Variants in SLC24A2 observed in about 807,000 individuals in gnomAD.
SLC24A2 encodes solute carrier family 24 member 2.
SLC24A2 carries 36 observed loss-of-function variants against 62.0 expected under a neutral mutation model. The observed-to-expected ratio is 0.58, with a 90% CI of 0.44 to 0.77. The LOEUF is 0.77. Ranked by LOEUF, SLC24A2 falls within the 30% of genes least tolerant of loss-of-function variation. The pLI is 0.00. For missense variants in SLC24A2, 846 were observed against 817.9 expected, an observed-to-expected ratio of 1.03 and a Z score of -0.42; for synonymous variants, 358 against 294.0, an observed-to-expected ratio of 1.22 and a Z score of -2.23.
the SLC24A2 span, among the ~76,000 whole-genome samples, chr9:20,045,630 A>G: frequency 6.6e-6 from 1 of 151,856 alleles, no homozygotes; most frequent in Non-Finnish European, 1.5e-5. Flanking sequence ...GCGGGGTTTC[A>G]CTATGTTGGC....
intron 7 of SLC24A2, among the ~76,000 whole-genome samples, chr9:19,550,821 G>A (rs1834808392): frequency 6.6e-6 from 1 of 151,634 alleles, no homozygotes; most frequent in African/African-American, 2.4e-5. Flanking sequence ...ATAGCTAAGT[G>A]CATTGATTTT....
chr9:19,562,062 G>A (rs1835430218), intron 7 of SLC24A2, among the ~76,000 whole-genome samples: 1 of 152,138 alleles, frequency 6.6e-6, no homozygotes, highest in Non-Finnish European at 1.5e-5. Flanking sequence ...AAATGCAACT[G>A]TTATCCCTCA....
chr9:19,883,270 A>T, the SLC24A2 span, among the ~76,000 whole-genome samples: 1 of 152,192 alleles, frequency 6.6e-6, no homozygotes, highest in Non-Finnish European at 1.5e-5. Context: ...TGACTCATTG[A>T]AAAGATGATA....
the SLC24A2 span, among the ~76,000 whole-genome samples, chr9:20,027,586 A>C: frequency 6.6e-6 from 1 of 152,214 alleles, no homozygotes; most frequent in Non-Finnish European, 1.5e-5. Context: ...CCTCATGTGA[A>C]ATCTAAAAAT....
chr9:20,301,347 A>G, the SLC24A2 span, among the ~76,000 whole-genome samples: 1 of 152,104 alleles, frequency 6.6e-6, no homozygotes, highest in Non-Finnish European at 1.5e-5. Flanking sequence ...AAAATGGTAT[A>G]GGTTCAATCT....
chr9:20,153,649 G>A, the SLC24A2 span, among the ~76,000 whole-genome samples: 2 of 151,634 alleles, frequency 1.3e-5, no homozygotes, highest in Admixed American at 1.3e-4. Flanking sequence ...GGAGTTTTAG[G>A]GAAGCTTTCC....
chr9:19,573,145 T>C (rs1478515062), intron 7 of SLC24A2, among the ~76,000 whole-genome samples: 1 of 152,020 alleles, frequency 6.6e-6, no homozygotes. Context: ...TTAGAGAATA[T>C]TCATATTCAT....
intron 4 of SLC24A2, among the ~76,000 whole-genome samples, chr9:19,615,542 A>G (rs574559919): frequency 6.6e-6 from 1 of 152,362 alleles, no homozygotes; most frequent in South Asian, 2.1e-4. Flanking sequence ...GAAAAATACC[A>G]GAGCAATCTG....
chr9:20,051,680 G>GGTGCT, the SLC24A2 span, among the ~76,000 whole-genome samples: 4 of 14,204 alleles, frequency 2.8e-4, no homozygotes, highest in Non-Finnish European at 5.3e-4. Flanking sequence ...TTTTTTTTTT[G>GGTGCT]GTGCTTGCTC....
the SLC24A2 span, among the ~76,000 whole-genome samples, chr9:20,039,677 T>A: frequency 6.6e-6 from 1 of 151,964 alleles, no homozygotes; most frequent in African/African-American, 2.4e-5. Flanking sequence ...TGCTGGAAAC[T>A]TGGAGGTACT....
At chr9:20,184,245 A>G in the SLC24A2 span, among the ~76,000 whole-genome samples, 21 of 152,198 alleles carry the variant, frequency 1.4e-4, no homozygotes, top group Non-Finnish European at 1.6e-4. Context: ...TTGAATGCCT[A>G]TTGTCAAAAA....
At chr9:19,850,274 A>G in the SLC24A2 span, among the ~76,000 whole-genome samples, 2 of 152,156 alleles carry the variant, frequency 1.3e-5, no homozygotes, top group East Asian at 3.8e-4. Flanking sequence ...GTTATACTGC[A>G]ATAAATGTAA....
At chr9:20,200,535 G>A in the SLC24A2 span, among the ~76,000 whole-genome samples, 2 of 152,220 alleles carry the variant, frequency 1.3e-5, no homozygotes, top group Admixed American at 1.3e-4. Flanking sequence ...AAGGGAAATC[G>A]AACAGAGGGA....
chr9:19,622,239 A>G, intron 3 of SLC24A2, 22 bp downstream of exon 3: 1 of 1,611,142 alleles, frequency 6.2e-7, no homozygotes, highest in Non-Finnish European at 8.5e-7. Flanking sequence ...AAACAGGTAC[A>G]GACAAAGCCA....
At chr9:20,013,597 G>C in the SLC24A2 span, among the ~76,000 whole-genome samples, 1 of 152,060 alleles carries the variant, frequency 6.6e-6, no homozygotes, top group Non-Finnish European at 1.5e-5. Flanking sequence ...GCACAGTAAA[G>C]GAAACAATTA....
chr9:20,154,739 A>G, the SLC24A2 span, among the ~76,000 whole-genome samples: 1 of 151,732 alleles, frequency 6.6e-6, no homozygotes, highest in Non-Finnish European at 1.5e-5. Flanking sequence ...TGAAAAATTG[A>G]AGCCCAGAGG....
chr9:19,786,178 A>C lies in SLC24A2; in HGVS notation c.689T>G (p.Ile230Ser). 1 of 1,614,186 alleles carries C rather than the reference A, an allele frequency of 6.2e-7. No individual in the cohort carries two copies. The highest frequency in any genetic ancestry group is 8.5e-7 in the Non-Finnish European group (1 of 1,180,040). The change falls in exon 2 of 11, where the codon ATC (isoleucine) becomes AGC (serine). Residue 230 changes from isoleucine to serine, a missense_variant. Physicochemically the swap from Ile to Ser is moderately radical, Grantham distance 142. Transcript: ENST00000341998. This position sits in a 1 kb window ranked among gnomAD's most constrained non-coding sequence, Gnocchi z 5.0. ...IGMCALFSRE[I>S]LNLTWWPLFR... ...GAGCGGCCACCATGTCAGGTTTAAG[A>C]TTTCTCTAGAAAACAGAGCACACAT... is the stretch of plus-strand genomic sequence containing the variant.
the SLC24A2 span, among the ~76,000 whole-genome samples, chr9:20,175,012 A>ATT: frequency 4.8e-4 from 45 of 93,294 alleles, no homozygotes; most frequent in African/African-American, 1.1e-3. Context: ...CAGTTTCTGA[A>ATT]TTTTTTATAT....
In SLC24A2 at chr9:19,513,808, A is replaced by G. The variant is rs1832825291; in HGVS notation, c.*2345T>C. 1 of 152,214 alleles carries G rather than the reference A, an allele frequency of 6.6e-6. No individual in the cohort carries two copies. The highest frequency in any genetic ancestry group is 1.5e-5 in the Non-Finnish European group (1 of 68,038). The allele number at this position is 152,214 out of a possible 1,614,324, so 9.4% of individuals were successfully genotyped here. ...CAATAACCAACTTGGTTGCCCTTCA[A>G]GAAATACACAGGGAAAACAACTGGA... On this transcript the variant is annotated 3_prime_UTR_variant, in exon 11 of 11. Transcript: ENST00000341998.
Sources: allele counts gnomAD v4.1 joint callset (sites outside exome capture counted in the v4.1 genomes callset), GRCh38; gene constraint gnomAD v4.1.1; non-coding constraint Gnocchi (gnomAD v3.1); transcripts MANE v1.5; gene names NCBI Gene and HGNC (gene_info 2026-07-23, HGNC 2026-07-21).